The following EEPD1 variants were observed in gnomAD, a reference collection of about 807,000 sequenced individuals.
EEPD1 encodes endonuclease/exonuclease/phosphatase family domain-containing protein 1.
In EEPD1, 17 loss-of-function variants were observed where a neutral mutation model predicts 46.3. The ratio of observed to expected loss-of-function variants is 0.37; its 90% CI spans 0.25 to 0.55. The LOEUF is 0.55. Ranked by LOEUF, EEPD1 falls within the 20% of genes least tolerant of loss-of-function variation. The pLI is 0.83. For synonymous variants in EEPD1, 313 were observed against 315.6 expected (o/e 0.99, Z 0.09); for missense variants, 673 against 745.6 (o/e 0.90, Z 1.13).
At chr7:36,192,013 C>G (rs970666776) in intron 2 of EEPD1, among the ~76,000 whole-genome samples, 2 of 152,186 alleles carry the variant, frequency 1.3e-5, no homozygotes, top group Non-Finnish European at 2.9e-5. Context: ...CTTTACGAGA[C>G]TCTTTCCGCG....
At chr7:36,165,646 C>G (rs1357389549) in intron 2 of EEPD1, among the ~76,000 whole-genome samples, 1 of 142,908 alleles carries the variant, frequency 7.0e-6, no homozygotes, top group East Asian at 2.0e-4. Context: ...TCCATGTTGA[C>G]CAGGATGGTC....
At chr7:36,160,341 G>A (rs1365675069) in intron 2 of EEPD1, among the ~76,000 whole-genome samples, 1 of 152,368 alleles carries the variant, frequency 6.6e-6, no homozygotes, top group South Asian at 2.1e-4. Flanking sequence ...CATGCTGAGG[G>A]TGATGGAGGT....
intron 3 of EEPD1, among the ~76,000 whole-genome samples, chr7:36,245,804 A>G (rs1231239104): frequency 6.6e-6 from 1 of 152,186 alleles, no homozygotes; most frequent in African/African-American, 2.4e-5. Flanking sequence ...TTTTTGTCAA[A>G]CATCCATTAG....
In EEPD1 at chr7:36,192,541, C is replaced by T. The variant is rs796527134; in HGVS notation, c.878+37339C>T. On this transcript the variant is annotated intron_variant, in intron 2 of 7. Transcript: ENST00000242108. ...AAAAAAAAAAATTAACAATTACATA[C>T]ATATTGAAAAGTACAGCAGTCAGAG... is the stretch of plus-strand genomic sequence containing the variant. Among the ~76,000 whole-genome samples, 10 of 152,026 alleles carry T rather than the reference C, an allele frequency of 6.6e-5. No homozygotes were observed. In the East Asian group the frequency reaches 1.9e-3, roughly 29 times the overall value.
intron 6 of EEPD1, among the ~76,000 whole-genome samples, chr7:36,289,393 C>T (rs1347646426): frequency 6.6e-6 from 1 of 152,228 alleles, no homozygotes; most frequent in Non-Finnish European, 1.5e-5. Context: ...GTGATTGTGA[C>T]TACTCTAGGT....
chr7:36,235,836 A>G (rs1336249258), intron 2 of EEPD1, among the ~76,000 whole-genome samples: 1 of 152,086 alleles, frequency 6.6e-6, no homozygotes, highest in Admixed American at 6.6e-5. Flanking sequence ...TAGCATTTTA[A>G]CTCTTTTTAA....
chr7:36,180,544 G>A (rs1785254962), intron 2 of EEPD1, among the ~76,000 whole-genome samples: 2 of 152,204 alleles, frequency 1.3e-5, no homozygotes, highest in African/African-American at 4.8e-5. Flanking sequence ...GAGGTAGGCA[G>A]GAGAAATTTT....
At chr7:36,275,603 C>T (rs528334451) in intron 3 of EEPD1, among the ~76,000 whole-genome samples, 6 of 152,148 alleles carry the variant, frequency 3.9e-5, no homozygotes, top group East Asian at 1.9e-4. Context: ...CGCGCCACCA[C>T]GCCTGGTGTG....
intron 2 of EEPD1, among the ~76,000 whole-genome samples, chr7:36,183,420 G>A (rs979580079): frequency 2.6e-5 from 4 of 152,100 alleles, no homozygotes; most frequent in Non-Finnish European, 4.4e-5. Flanking sequence ...CCAGCATATT[G>A]GAGAGCTGCA....
rs1455972134 is a variant in EEPD1 at position 36,284,592 on chromosome 7, C to T, written c.1042-94C>T. On this transcript the variant is annotated intron_variant, in intron 4 of 7. Coordinates refer to ENST00000242108, the MANE Select transcript of EEPD1 (RefSeq NM_030636.3). ...GAAACAGCTTGAGCCAGAGTAGGGC[C>T]TACTGCCTCTCGGTCTCTCTGGCCT... The T allele has an allele frequency of 2.7e-6, 4 of 1,470,788 alleles. No homozygotes were observed. In the Admixed American group the frequency reaches 6.4e-5, roughly 24 times the overall value. The allele number at this position is 1,470,788 out of a possible 1,614,324, so 91.1% of individuals were successfully genotyped here. A position where few individuals can be genotyped will look rare whatever the true frequency, so the allele number is the denominator to read the frequency against.
At chr7:36,210,402 A>G (rs73338943) in intron 2 of EEPD1, among the ~76,000 whole-genome samples, 10,163 of 152,288 alleles carry the variant, frequency 0.067, 1,123 homozygotes, top group African/African-American at 0.23. Flanking sequence ...ACAACAAAAT[A>G]GTTCTAAGAT....
intron 3 of EEPD1, among the ~76,000 whole-genome samples, chr7:36,244,942 T>G (rs1786613113): frequency 6.8e-6 from 1 of 146,554 alleles, no homozygotes; most frequent in Non-Finnish European, 1.5e-5. Context: ...CCGGCTAATG[T>G]TTTTTTTTTG....
intron 2 of EEPD1, among the ~76,000 whole-genome samples, chr7:36,182,134 G>T (rs918899252): frequency 2.0e-5 from 3 of 152,206 alleles, no homozygotes; most frequent in Non-Finnish European, 4.4e-5. Flanking sequence ...AACAGTCTGT[G>T]TGTCCACTTA....
chr7:36,226,464 G>T (rs1341043392), intron 2 of EEPD1, among the ~76,000 whole-genome samples: 1 of 152,182 alleles, frequency 6.6e-6, no homozygotes, highest in African/African-American at 2.4e-5. Context: ...AGTGCAGCTT[G>T]AACTGACTCT....
chr7:36,187,998 A>G (rs916084863), intron 2 of EEPD1, among the ~76,000 whole-genome samples: 9 of 152,076 alleles, frequency 5.9e-5, no homozygotes, highest in African/African-American at 2.2e-4. Context: ...GGGTTTCACC[A>G]TGTTGGTCAG....
rs976162101 is a variant in EEPD1, at chr7:36,154,013, G to A, written c.-192-120G>A. The A allele has an allele frequency of 2.5e-6, 1 of 403,772 alleles. No homozygotes were observed. Among genetic ancestry groups the A allele is most frequent in the Non-Finnish European group, 4.5e-6 (1 of 220,640 alleles). The allele number at this position is 403,772 out of a possible 1,614,324, so 25.0% of individuals were successfully genotyped here. On this transcript the variant is annotated intron_variant, in intron 1 of 7. Coordinates refer to ENST00000242108, the MANE Select transcript of EEPD1 (RefSeq NM_030636.3). This position sits in a 1 kb window ranked among gnomAD's most constrained non-coding sequence, Gnocchi z 4.2. The stretch of plus-strand genomic sequence containing the variant: ...TAGCCTCATTGTGCCTGCGTTTTTA[G>A]GGGTTCACGGGCAGCCACCAGTCCC...
At chr7:36,266,092 T>C (rs1787011588) in intron 3 of EEPD1, among the ~76,000 whole-genome samples, 1 of 152,088 alleles carries the variant, frequency 6.6e-6, no homozygotes, top group Non-Finnish European at 1.5e-5. Context: ...GTGTTTCCGC[T>C]CTCACTTGGG....
At chr7:36,239,662 A>G (rs1350334597) in intron 3 of EEPD1, among the ~76,000 whole-genome samples, 4 of 152,018 alleles carry the variant, frequency 2.6e-5, no homozygotes, top group Admixed American at 6.6e-5. Context: ...TCGGCTTTCT[A>G]TGTTCAAGTC....
Position 36,299,632 on chromosome 7 carries a change from A to G in EEPD1, c.*426A>G, listed in dbSNP as rs777988896. 1.5e-4 allele frequency: 28 copies of G among 189,246 alleles called. No individual in the cohort carries two copies. The highest frequency in any genetic ancestry group is 2.6e-4 in the Non-Finnish European group (24 of 90,770). The allele number at this position is 189,246 out of a possible 1,614,324, so 11.7% of individuals were successfully genotyped here. A position where few individuals can be genotyped will look rare whatever the true frequency, so the allele number is the denominator to read the frequency against. ...GGCTATGACGTTCCTGCTGCGCATT[A>G]CAGAAAGCTTTTAACTGTGATCAGG... On this transcript the variant is annotated 3_prime_UTR_variant, in exon 8 of 8. Transcript: ENST00000242108.
Sources: gnomAD v4.1 joint callset for allele counts (sites outside exome capture counted in the v4.1 genomes callset) on GRCh38, gnomAD v4.1.1 for gene constraint, Gnocchi (gnomAD v3.1) non-coding constraint, MANE v1.5 for transcripts, NCBI Gene and HGNC (gene_info 2026-07-23, HGNC 2026-07-21) for gene names.